The following PBX1 variants were observed in gnomAD, a reference collection of about 807,000 sequenced individuals.
PBX1 encodes the protein PBX homeobox 1.
Under a neutral mutation model 53.4 loss-of-function variants are expected in PBX1, and 6 were observed. That is an observed-to-expected ratio of 0.11 (90% CI 0.06 to 0.22). The LOEUF (loss-of-function observed/expected upper bound fraction) is 0.22, where lower values mean the gene tolerates loss of function less well. Ranked by LOEUF, PBX1 falls within the 10% of genes least tolerant of loss-of-function variation. The pLI, the probability that PBX1 is intolerant of heterozygous loss-of-function variation, is 1.00. For missense variants in PBX1, 251 were observed against 551.4 expected, an observed-to-expected ratio of 0.46 and a Z score of 5.46; for synonymous variants, 204 against 212.3, an observed-to-expected ratio of 0.96 and a Z score of 0.34.
At chr1:164,763,940 C>T (rs1180284116) in intron 2 of PBX1, among the ~76,000 whole-genome samples, 2 of 152,198 alleles carry the variant, frequency 1.3e-5, no homozygotes, top group African/African-American at 4.8e-5. Flanking sequence ...TTACTTCCTA[C>T]TTAAACTTTA....
intron 2 of PBX1, among the ~76,000 whole-genome samples, chr1:164,775,275 A>G (rs531415771): frequency 2.2e-4 from 33 of 152,290 alleles, no homozygotes; most frequent in Admixed American, 1.7e-3. Context: ...ATAGAGTGAA[A>G]GATCACTGCC....
At chr1:164,736,382 G>A (rs1223663387) in intron 2 of PBX1, among the ~76,000 whole-genome samples, 3 of 152,102 alleles carry the variant, frequency 2.0e-5, no homozygotes, top group East Asian at 1.9e-4. Context: ...CTAATGCGAC[G>A]GCTGTCAGCT....
chr1:164,680,983 G>T (rs1270843677), intron 2 of PBX1, among the ~76,000 whole-genome samples: 1 of 152,056 alleles, frequency 6.6e-6, no homozygotes, highest in Admixed American at 6.6e-5. Flanking sequence ...CCCTTTCCTG[G>T]CCAGGAATGG....
At chr1:164,611,440 G>C (rs2800786) in intron 2 of PBX1, among the ~76,000 whole-genome samples, 86,835 of 151,590 alleles carry the variant, frequency 0.57, 25,389 homozygotes, top group East Asian at 0.91. Context: ...GGGTTTCACC[G>C]TGTTAGCCAG....
intron 2 of PBX1, among the ~76,000 whole-genome samples, chr1:164,688,038 C>T (rs1662231655): frequency 6.6e-6 from 1 of 152,174 alleles, no homozygotes; most frequent in African/African-American, 2.4e-5. Flanking sequence ...CCATGGTGCT[C>T]TCTAGGAACT....
At chr1:164,809,786 C>G (rs1253928158) in intron 5 of PBX1, among the ~76,000 whole-genome samples, 3 of 152,136 alleles carry the variant, frequency 2.0e-5, no homozygotes, top group Non-Finnish European at 4.4e-5. Context: ...CTGAAATCCG[C>G]CTATTGACTG....
intron 2 of PBX1, among the ~76,000 whole-genome samples, chr1:164,781,727 C>T (rs2102276162): frequency 6.6e-6 from 1 of 152,278 alleles, no homozygotes; most frequent in Non-Finnish European, 1.5e-5. Context: ...CCTTCTTTTG[C>T]CTCTGCTGAT....
intron 2 of PBX1, among the ~76,000 whole-genome samples, chr1:164,736,477 G>T (rs547945331): frequency 1.3e-5 from 2 of 151,972 alleles, no homozygotes; most frequent in African/African-American, 4.8e-5. Context: ...ACGCTCTCTC[G>T]TCTCAACCTA....
intron 8 of PBX1, among the ~76,000 whole-genome samples, chr1:164,841,362 G>C (rs1387819346): frequency 6.6e-6 from 1 of 152,162 alleles, no homozygotes; most frequent in Non-Finnish European, 1.5e-5. Context: ...GTTGATAGGG[G>C]AAGTAAGCAA....
intron 2 of PBX1, chr1:164,684,917 A>G (rs1333700818): frequency 6.6e-6 from 1 of 152,244 alleles, no homozygotes; most frequent in African/African-American, 2.4e-5. Context: ...ATGGTTAAGA[A>G]CTACTTAGTC....
At position 164,766,756 on chromosome 1, in the gene PBX1, C is replaced by CA. The variant is rs1667080016; in HGVS notation, c.266-25737dup. Reference sequence around the variant, plus strand: ...TTTATTTATTTTTTTTTTTTTGAGACAGAGTCTGGCTCTGTCACCCAGCCT... The same window carrying CA: ...TTTATTTATTTTTTTTTTTTTGAGACAAGAGTCTGGCTCTGTCACCCAGCCT... On this transcript the variant is annotated intron_variant, in intron 2 of 8. Transcript: ENST00000420696. Among the ~76,000 whole-genome samples the CA allele has an allele frequency of 2.9e-5, 4 of 138,912 alleles. No homozygotes were observed. In the South Asian group the frequency reaches 8.8e-4, roughly 31 times the overall value. The allele number at this position is 138,912 out of a possible 152,430, so 91.1% of individuals were successfully genotyped here. A position where few individuals can be genotyped will look rare whatever the true frequency, so the allele number is the denominator to read the frequency against.
intron 2 of PBX1, among the ~76,000 whole-genome samples, chr1:164,743,252 T>C (rs753271285): frequency 1.3e-5 from 2 of 152,204 alleles, no homozygotes; most frequent in Non-Finnish European, 2.9e-5. Flanking sequence ...TTGGCCTGTT[T>C]TGTTCATCTC....
chr1:164,875,988 G>GTATATATATATATATATATATATATATA (rs369277110), intron 2 of PBX1, among the ~76,000 whole-genome samples: 730 of 56,086 alleles, frequency 0.013, 47 homozygotes, highest in South Asian at 0.021. Flanking sequence ...TGGTGTATGT[G>GTATATATATATATATATATATATATATA]TATATATATA....
At chr1:164,610,027 T>G (rs797016245) in intron 2 of PBX1, among the ~76,000 whole-genome samples, 4 of 152,218 alleles carry the variant, frequency 2.6e-5, no homozygotes, top group African/African-American at 9.6e-5. Flanking sequence ...AGAGGGTTGG[T>G]GCACATTCAC....
chr1:164,564,194 G>C (rs1050480844), intron 2 of PBX1, among the ~76,000 whole-genome samples: 1 of 152,094 alleles, frequency 6.6e-6, no homozygotes, highest in African/African-American at 2.4e-5. Context: ...TATATAAAGC[G>C]GGAGCTTCTG....
At chr1:164,645,748 G>A (rs1312137298) in intron 2 of PBX1, among the ~76,000 whole-genome samples, 4 of 152,222 alleles carry the variant, frequency 2.6e-5, no homozygotes, top group Non-Finnish European at 4.4e-5. Context: ...AGGGAAATTG[G>A]AAATGGTAAT....
chr1:164,582,650 T>A (rs1221993041), intron 2 of PBX1, among the ~76,000 whole-genome samples: 1 of 152,146 alleles, frequency 6.6e-6, no homozygotes, highest in Non-Finnish European at 1.5e-5. Context: ...CTGGAGCTCC[T>A]GACCTCAGGT....
At chr1:164,626,504 A>G (rs1658056404) in intron 2 of PBX1, among the ~76,000 whole-genome samples, 1 of 152,160 alleles carries the variant, frequency 6.6e-6, no homozygotes, top group Non-Finnish European at 1.5e-5. Flanking sequence ...TAATTTAGGC[A>G]TTTCTAGCTG....
In PBX1 at chr1:164,848,698, C is replaced by T; in HGVS notation, c.*2022C>T. ...CTTGAACCCAATATGTTGCCTTGTA[C>T]ATACTTGGTCCCTGTCACATTGACT... On this transcript the variant is annotated 3_prime_UTR_variant, in exon 9 of 9. Coordinates refer to ENST00000420696, the MANE Select transcript of PBX1 (RefSeq NM_002585.4). The T allele has an allele frequency of 4.7e-6, 5 of 1,056,134 alleles. No homozygotes were observed. Among genetic ancestry groups the T allele is most frequent in the Non-Finnish European group, 5.7e-6 (5 of 873,514 alleles). 65.4% of individuals were successfully genotyped at this position (1,056,134 alleles called of 1,614,324 possible). A position where few individuals can be genotyped will look rare whatever the true frequency, so the allele number is the denominator to read the frequency against.
Sources: allele counts gnomAD v4.1 joint callset (sites outside exome capture counted in the v4.1 genomes callset), GRCh38; gene constraint gnomAD v4.1.1; transcripts MANE v1.5; gene names NCBI Gene and HGNC (gene_info 2026-07-23, HGNC 2026-07-21).